Variants in EVC2 observed in about 807,000 individuals in gnomAD.
EVC2 encodes the protein EvC ciliary complex subunit 2, also known as limbin.
A neutral mutation model predicts 149.3 loss-of-function variants in EVC2; 148 were observed. That is an observed-to-expected ratio of 0.99 (90% CI 0.87 to 1.14). The LOEUF is 1.14. Ranked by LOEUF, EVC2 falls within the 50% of genes most tolerant of loss-of-function variation. The pLI, the probability that EVC2 is intolerant of heterozygous loss-of-function variation, is 0.00. For synonymous variants in EVC2, 776 were observed against 649.9 expected (o/e 1.19, Z -2.95); for missense variants, 1,854 against 1,627.3 (o/e 1.14, Z -2.40).
At chr4:5,610,207 C>T (rs1560162194) in intron 16 of EVC2, among the ~76,000 whole-genome samples, 1 of 152,172 alleles carries the variant, frequency 6.6e-6, no homozygotes, top group Non-Finnish European at 1.5e-5. Context: ...TATAGGTACT[C>T]ATATGTAGAA....
intron 21 of EVC2, among the ~76,000 whole-genome samples, chr4:5,555,109 A>T (rs774565071): frequency 5.9e-5 from 9 of 152,110 alleles, no homozygotes; most frequent in East Asian, 1.9e-4. Flanking sequence ...TCAATATATA[A>T]AAGGGGATAA....
intron 14 of EVC2, among the ~76,000 whole-genome samples, chr4:5,621,555 A>T (rs1273667182): frequency 3.3e-5 from 5 of 152,208 alleles, no homozygotes; most frequent in African/African-American, 1.2e-4. Flanking sequence ...GCCAGCCCCA[A>T]ACAACCACCA....
chr4:5,599,680 C>A (rs1713806901), intron 16 of EVC2, among the ~76,000 whole-genome samples: 5 of 152,052 alleles, frequency 3.3e-5, no homozygotes, highest in Admixed American at 3.3e-4. Context: ...ATGTAACTAA[C>A]CTGCACATTG....
At chr4:5,548,936 CCCTTCCTTCCTTCCTT>C (rs796701936) in intron 21 of EVC2, among the ~76,000 whole-genome samples, 5 of 132,396 alleles carry the variant, frequency 3.8e-5, no homozygotes, top group East Asian at 5.0e-4. Context: ...AAAACAAGAG[CCCTTCCTTCCTTCCTT>C]CCTTCCTTCC....
intron 14 of EVC2, among the ~76,000 whole-genome samples, chr4:5,619,005 G>A (rs774797463): frequency 6.6e-6 from 1 of 152,214 alleles, no homozygotes; most frequent in Non-Finnish European, 1.5e-5. Context: ...TGTAAACAAA[G>A]CACTGTCTGT....
chr4:5,550,310 T>C (rs1721711554), intron 21 of EVC2, among the ~76,000 whole-genome samples: 1 of 152,144 alleles, frequency 6.6e-6, no homozygotes, highest in Admixed American at 6.5e-5. Context: ...ATACTGATAA[T>C]GATATGGACA....
rs2108764900 is a variant in EVC2 at position 5,562,866 on chromosome 4, C to T, written c.3909G>A (p.Arg1303=). 9.9e-6 allele frequency: 16 copies of T among 1,614,126 alleles called. No homozygotes were observed. The highest frequency in any genetic ancestry group is 1.1e-5 in the Non-Finnish European group (13 of 1,180,046). Residue 1303 remains arginine, a synonymous_variant, in exon 22 of 22, where the codon AGG becomes AGA. Coordinates refer to ENST00000344408, the MANE Select transcript of EVC2 (RefSeq NM_147127.5). The surrounding 1 kb of genome is among the most constrained non-coding windows in gnomAD (Gnocchi z 4.3). ...CCTTGGGCTAGTCCATGCCCAAGGCCCTCATGGCCTTTTTGGCATTCAAAA... is the reference window on the plus strand; with the variant it reads ...CCTTGGGCTAGTCCATGCCCAAGGCTCTCATGGCCTTTTTGGCATTCAAAA... ...KNFLNAKKAM[R]ALGMD
chr4:5,529,963 C>T, the EVC2 span, among the ~76,000 whole-genome samples: 2 of 151,910 alleles, frequency 1.3e-5, no homozygotes, highest in South Asian at 2.1e-4. This position sits in a 1 kb window ranked among gnomAD's most constrained non-coding sequence, Gnocchi z 4.5. Flanking sequence ...TTACAGGTGC[C>T]CACCACTACG....
chr4:5,540,137 G>A (rs1423750704), downstream of EVC2, among the ~76,000 whole-genome samples: 1 of 152,160 alleles, frequency 6.6e-6, no homozygotes, highest in East Asian at 1.9e-4. Context: ...AAGAGAAATC[G>A]CTGCTTGACT....
chr4:5,562,340 A>T (rs1722004908), downstream of EVC2: 1 of 643,846 alleles, frequency 1.6e-6, no homozygotes, highest in Non-Finnish European at 1.9e-6. The surrounding 1 kb of genome is among the most constrained non-coding windows in gnomAD (Gnocchi z 4.3). Flanking sequence ...ATAGAGGGCG[A>T]ATCTCTCTAT....
chr4:5,530,026 G>T, the EVC2 span, among the ~76,000 whole-genome samples: 1 of 152,068 alleles, frequency 6.6e-6, no homozygotes, highest in African/African-American at 2.4e-5. Flanking sequence ...ATGTTGGCCA[G>T]GCTGGTCTTG....
chr4:5,694,447 A>C lies in EVC2; in HGVS notation c.338T>G (p.Leu113Arg). The change falls in exon 3 of 22, where the codon CTC becomes CGC. Residue 113 changes from leucine to arginine, a missense_variant. Transcript: ENST00000344408. Reference sequence around the variant, plus strand: ...CCCACTAGAGGCTGCAGAAGTTGAGAGTGGGATGAAGACTTCCATTTTCTT... The same window carrying C: ...CCCACTAGAGGCTGCAGAAGTTGAGCGTGGGATGAAGACTTCCATTTTCTT... ...LDKKMEVFIP[L>R]STSAASSGPW... The C allele has an allele frequency of 6.2e-7, 1 of 1,614,194 alleles. No homozygotes were observed. The highest frequency in any genetic ancestry group is 8.5e-7 in the Non-Finnish European group (1 of 1,180,030).
At chr4:5,596,586 T>A (rs553053954) in intron 16 of EVC2, among the ~76,000 whole-genome samples, 1 of 151,958 alleles carries the variant, frequency 6.6e-6, no homozygotes, top group South Asian at 2.1e-4. Context: ...AGAGGGAAAC[T>A]TATAGCACTA....
chr4:5,706,381 CA>C (rs1722167712), intron 1 of EVC2, among the ~76,000 whole-genome samples: 48 of 7,374 alleles, frequency 6.5e-3, no homozygotes, highest in East Asian at 0.017. Flanking sequence ...TAGATAGATA[CA>C]TAGATAGATA....
the EVC2 span, among the ~76,000 whole-genome samples, chr4:5,529,014 G>A: frequency 2.0e-5 from 3 of 150,788 alleles, no homozygotes; most frequent in African/African-American, 2.5e-5. The surrounding 1 kb of genome is among the most constrained non-coding windows in gnomAD (Gnocchi z 4.5). Context: ...CTTACTAGTC[G>A]TACAAGGATA....
At chr4:5,587,827 T>C (rs543805328) in intron 16 of EVC2, among the ~76,000 whole-genome samples, 1 of 152,304 alleles carries the variant, frequency 6.6e-6, no homozygotes, top group African/African-American at 2.4e-5. Flanking sequence ...AGGACAGGGA[T>C]CTTCACAGTG....
At chr4:5,685,625 C>A in intron 5 of EVC2, 146 bp from the exon 6 acceptor site, 1 of 666,990 alleles carries the variant, frequency 1.5e-6, no homozygotes, top group South Asian at 1.7e-5. Flanking sequence ...GCAAGGAAGC[C>A]CTTTGTATTG....
intron 12 of EVC2, among the ~76,000 whole-genome samples, chr4:5,628,122 C>T (rs564470022): frequency 4.3e-4 from 65 of 152,076 alleles, no homozygotes; most frequent in Non-Finnish European, 7.9e-4. Flanking sequence ...TCAGCACATA[C>T]GCTGAATAAA....
At chr4:5,592,242 T>C (rs966020941) in intron 16 of EVC2, among the ~76,000 whole-genome samples, 4 of 152,100 alleles carry the variant, frequency 2.6e-5, no homozygotes, top group Non-Finnish European at 5.9e-5. Context: ...AAAAAACAGA[T>C]AAGAGGGGCT....
Sources: allele counts gnomAD v4.1 joint callset (sites outside exome capture counted in the v4.1 genomes callset), GRCh38; gene constraint gnomAD v4.1.1; non-coding constraint Gnocchi (gnomAD v3.1); transcripts MANE v1.5; gene names NCBI Gene and HGNC (gene_info 2026-07-23, HGNC 2026-07-21).